The following ZIC3 variants were observed in gnomAD, a reference collection of about 807,000 sequenced individuals.
The protein encoded by ZIC3 is zinc finger protein ZIC 3.
Under a neutral mutation model 18.3 loss-of-function variants are expected in ZIC3, and 6 were observed. That is an observed-to-expected ratio of 0.33 (90% confidence interval 0.18 to 0.65). ZIC3 has a LOEUF of 0.65. Ranked by LOEUF, ZIC3 falls within the 30% of genes least tolerant of loss-of-function variation. The pLI, the probability that ZIC3 is intolerant of heterozygous loss-of-function variation, is 0.75. For missense variants in ZIC3, 260 were observed against 410.0 expected (o/e 0.63, Z 3.16); for synonymous variants, 175 against 177.0 (o/e 0.99, Z 0.09).
In ZIC3 at chrX:137,570,172, T is replaced by C; in HGVS notation, c.*102T>C. On this transcript the variant is annotated 3_prime_UTR_variant, in exon 3 of 3. Transcript: ENST00000287538. The stretch of plus-strand genomic sequence containing the variant: ...AATGGAGTTTTAAGGCAAGAGGCCA[T>C]ATATAGGGCTACATCTTGTTAATTG... 1.0e-6 allele frequency: 1 copy of C among 961,834 alleles called. No individual in the cohort carries two copies. The highest frequency in any genetic ancestry group is 2.0e-5 in the South Asian group (1 of 50,171). 79.3% of individuals were successfully genotyped at this position (961,834 alleles called of 1,213,427 possible). A position where few individuals can be genotyped will look rare whatever the true frequency, so the allele number is the denominator to read the frequency against.
At chrX:137,572,969 T>C (rs1027289217), downstream of ZIC3, among the ~76,000 whole-genome samples, 2 of 110,071 alleles carry the variant, frequency 1.8e-5, no homozygotes, top group Non-Finnish European at 3.8e-5. Context: ...GGGTGTAGCA[T>C]GGTATTTCTC....
chrX:137,567,215 C>T lies in ZIC3; in HGVS notation c.524C>T (p.Pro175Leu). The change falls in exon 1 of 3, where the codon CCC becomes CTC. Residue 175 changes from proline to leucine, a missense_variant. By Grantham distance (98) the Pro-to-Leu change is moderately conservative (BLOSUM62 -3). Coordinates refer to ENST00000287538, the MANE Select transcript of ZIC3 (RefSeq NM_003413.4). ...GAGCAGGGCGCTGGGCACCCGTCGC[C>T]CACAGGGCACGTGGACAACAACCAG... ...LHEQGAGHPSPTGHVDNNQVH... is the reference protein window; with the variant it reads ...LHEQGAGHPSLTGHVDNNQVH... 1 of 1,210,378 alleles carries T rather than the reference C, an allele frequency of 8.3e-7. No individual in the cohort carries two copies. Among genetic ancestry groups the T allele is most frequent in the Non-Finnish European group, 1.1e-6 (1 of 894,866 alleles).
In ZIC3 at chrX:137,566,832, C is replaced by T. The variant is rs771406033; in HGVS notation, c.141C>T (p.Ala47=). 7.4e-5 allele frequency: 86 copies of T among 1,158,232 alleles called. 1 individual carries two copies. The South Asian group carries it at 1.3e-3, about 17-fold the overall frequency. ...CCTTCGGGGACTCAACCCACGCCGC[C>T]GCCGCCGCCGCCGCCGCCGCTGCCT... The part of the protein sequence containing the change: ...LNPFGDSTHA[A]AAAAAAAAFK... Residue 47 remains alanine, a synonymous_variant, in exon 1 of 3, where the codon GCC becomes GCT. Coordinates refer to ENST00000287538, the MANE Select transcript of ZIC3 (RefSeq NM_003413.4).
chrX:137,570,674 A>G lies in ZIC3; in HGVS notation c.*604A>G, dbSNP rs1396727981. ...GTAATAACTTTTTTTTTGTAAATACATATCCATTGATGCCATATTTATCGT... is the reference window on the plus strand; with the variant it reads ...GTAATAACTTTTTTTTTGTAAATACGTATCCATTGATGCCATATTTATCGT... On this transcript the variant is annotated 3_prime_UTR_variant, in exon 3 of 3. Coordinates refer to ENST00000287538, the MANE Select transcript of ZIC3 (RefSeq NM_003413.4). 8.8e-6 allele frequency: 1 copy of G among 113,805 alleles called. No individual in the cohort carries two copies. Among genetic ancestry groups the G allele is most frequent in the Non-Finnish European group, 1.9e-5 (1 of 53,992 alleles). 9.4% of individuals were successfully genotyped at this position (113,805 alleles called of 1,213,427 possible).
downstream of ZIC3, among the ~76,000 whole-genome samples, chrX:137,576,491 C>A (rs1164068690): frequency 9.0e-6 from 1 of 111,657 alleles, no homozygotes; most frequent in Non-Finnish European, 1.9e-5. Context: ...TCTGCAAAAC[C>A]GGGCAAGTGA....
At chrX:137,575,724 C>A (rs891070689), downstream of ZIC3, among the ~76,000 whole-genome samples, 1 of 111,290 alleles carries the variant, frequency 9.0e-6, no homozygotes, top group East Asian at 2.8e-4. Context: ...CGTGGGCCAC[C>A]TTGGGAAGGG....
chrX:137,577,362 AGAC>A (rs1355529428), exon 3 of ZIC3: 1 of 386,906 alleles, frequency 2.6e-6, no homozygotes, highest in East Asian at 4.1e-5. Flanking sequence ...AGGTATAAAA[AGAC>A]TATTTTCTTC....
chrX:137,569,221 G>C (rs1161314254), intron 2 of ZIC3, among the ~76,000 whole-genome samples, 156 bp downstream of exon 2: 1 of 107,399 alleles, frequency 9.3e-6, no homozygotes, highest in Non-Finnish European at 1.9e-5. Flanking sequence ...GGGACCGGGC[G>C]GGGGTGGGGG....
chrX:137,572,882 TAAATG>T (rs973715664), downstream of ZIC3, among the ~76,000 whole-genome samples: 5 of 111,464 alleles, frequency 4.5e-5, no homozygotes, highest in African/African-American at 1.6e-4. Flanking sequence ...AGATATCAAT[TAAATG>T]AAAAACAATT....
In ZIC3 at chrX:137,570,913, A is replaced by G. The variant is rs1373294122; in HGVS notation, c.*843A>G. The G allele has an allele frequency of 8.9e-6, 1 of 112,804 alleles. No individual in the cohort carries two copies. The highest frequency in any genetic ancestry group is 1.9e-5 in the Non-Finnish European group (1 of 53,326). 9.3% of individuals were successfully genotyped at this position (112,804 alleles called of 1,213,427 possible). ...CAAAGAGGAGATGTGAGCAAATTAAATCTTGTTTGTTGGTATTTATAACTC... is the reference window on the plus strand; with the variant it reads ...CAAAGAGGAGATGTGAGCAAATTAAGTCTTGTTTGTTGGTATTTATAACTC... On this transcript the variant is annotated 3_prime_UTR_variant, in exon 3 of 3. Transcript: ENST00000287538.
In ZIC3 at chrX:137,566,999, G is replaced by C; in HGVS notation, c.308G>C (p.Ser103Thr). The change falls in exon 1 of 3, where the codon AGC (serine) becomes ACC (threonine). Residue 103 changes from serine to threonine, a missense_variant. By Grantham distance (58) the Ser-to-Thr change is moderately conservative. Coordinates refer to ENST00000287538, the MANE Select transcript of ZIC3 (RefSeq NM_003413.4). ...HHHHHTSQVP[S>T]YGGAASAAFN... ...CATCACCACACCAGCCAGGTGCCCA[G>C]CTACGGTGGCGCTGCCTCTGCCGCC... 1 of 1,167,479 alleles carries C rather than the reference G, an allele frequency of 8.6e-7. No individual in the cohort carries two copies. Among genetic ancestry groups the C allele is most frequent in the Non-Finnish European group, 1.1e-6 (1 of 873,174 alleles).
At chrX:137,572,359 G>C (rs1045998106), downstream of ZIC3, among the ~76,000 whole-genome samples, 3 of 111,860 alleles carry the variant, frequency 2.7e-5, no homozygotes, top group African/African-American at 9.8e-5. Flanking sequence ...CAATATCCAA[G>C]CCTGAATGCC....
Position 137,571,716 on chromosome X carries a change from T to C in ZIC3, c.*1646T>C, listed in dbSNP as rs141562009. The C allele has an allele frequency of 1.4e-4, 16 of 112,964 alleles. No homozygotes were observed. The highest frequency in any genetic ancestry group is 4.5e-4 in the African/African-American group (14 of 31,085). 9.3% of individuals were successfully genotyped at this position (112,964 alleles called of 1,213,427 possible). A position where few individuals can be genotyped will look rare whatever the true frequency, so the allele number is the denominator to read the frequency against. ...ATAACAATGAAAAACGGTTGTTTGC[T>C]TTGTGATAAAATGTTAACAATCCAT... On this transcript the variant is annotated 3_prime_UTR_variant, in exon 3 of 3. Transcript: ENST00000287538.
At position 137,566,718 on chromosome X, in the gene ZIC3, G is replaced by T. The variant is rs955209590; in HGVS notation, c.27G>T (p.Pro9=). ...TGACGATGCTCCTGGACGGAGGCCC[G>T]CAGTTCCCTGGGCTGGGAGTGGGCA... is the stretch of plus-strand genomic sequence containing the variant. MTMLLDGG[P]QFPGLGVGSF... The change falls in exon 1 of 3, where the codon CCG becomes CCT. Residue 9 remains proline (P), a synonymous_variant. Coordinates refer to ENST00000287538, the MANE Select transcript of ZIC3 (RefSeq NM_003413.4). The T allele has an allele frequency of 8.3e-7, 1 of 1,198,039 alleles. No homozygotes were observed. The highest frequency in any genetic ancestry group is 1.1e-6 in the Non-Finnish European group (1 of 889,596).
chrX:137,577,248 A>C (rs1357015057), exon 3 of ZIC3: 3 of 521,132 alleles, frequency 5.8e-6, no homozygotes, highest in Admixed American at 5.4e-5. Context: ...TGCCGAACCT[A>C]CTGTGCAAGA....
At position 137,566,662 on chromosome X, in the gene ZIC3, C is replaced by A; in HGVS notation, c.-30C>A. On this transcript the variant is annotated 5_prime_UTR_variant, in exon 1 of 3. Coordinates refer to ENST00000287538, the MANE Select transcript of ZIC3 (RefSeq NM_003413.4). ...CGCCGGTACCCTCTCTCACTTCGGCCGGATCGCCTGTGCCCAGAACGTCCC... is the reference window on the plus strand; with the variant it reads ...CGCCGGTACCCTCTCTCACTTCGGCAGGATCGCCTGTGCCCAGAACGTCCC... 1 of 1,195,010 alleles carries A rather than the reference C, an allele frequency of 8.4e-7. No individual in the cohort carries two copies. Among genetic ancestry groups the A allele is most frequent in the Non-Finnish European group, 1.1e-6 (1 of 889,066 alleles).
Position 137,569,992 on chromosome X carries a change from T to A in ZIC3, c.1326T>A (p.Thr442=), listed in dbSNP as rs756083842. ...AIASANSKDT[T]KTPSAVQTST... is the part of the protein sequence containing the mutation. ...CTTCTGCAAACAGTAAAGATACCACTAAAACCCCTTCTGCAGTTCAAACTA... is the reference window on the plus strand; with the variant it reads ...CTTCTGCAAACAGTAAAGATACCACAAAAACCCCTTCTGCAGTTCAAACTA... Residue 442 remains threonine (T), a synonymous_variant, in exon 3 of 3, where the codon ACT becomes ACA. Transcript: ENST00000287538. The A allele has an allele frequency of 8.3e-7, 1 of 1,211,950 alleles. No homozygotes were observed. The highest frequency in any genetic ancestry group is 1.7e-5 in the African/African-American group (1 of 57,842).
intron 1 of ZIC3, among the ~76,000 whole-genome samples, chrX:137,568,093 A>T (rs1408441146): frequency 8.8e-6 from 1 of 113,308 alleles, no homozygotes; most frequent in East Asian, 2.8e-4. Flanking sequence ...CTTACAAGCG[A>T]CTTAGCTCTC....
At chrX:137,572,788 G>A (rs1342380022), downstream of ZIC3, among the ~76,000 whole-genome samples, 2 of 110,698 alleles carry the variant, frequency 1.8e-5, no homozygotes, top group Non-Finnish European at 1.9e-5. Flanking sequence ...CTGAGACAAA[G>A]AGCAGTTTGA....
Sources: gnomAD v4.1 joint callset for allele counts (sites outside exome capture counted in the v4.1 genomes callset) on GRCh38, gnomAD v4.1.1 for gene constraint, MANE v1.5 for transcripts, NCBI Gene and HGNC (gene_info 2026-07-23, HGNC 2026-07-21) for gene names.